Variants in ARMH3 observed in about 807,000 individuals in gnomAD.
The protein encoded by ARMH3 is armadillo like helical domain containing 3, also known as armadillo-like helical domain-containing protein 3.
A neutral mutation model predicts 99.1 loss-of-function variants in ARMH3; 60 were observed. That is an observed-to-expected ratio of 0.61 (90% CI 0.49 to 0.75). The LOEUF is 0.75. Ranked by LOEUF, ARMH3 falls within the 30% of genes least tolerant of loss-of-function variation. ARMH3 has a pLI of 0.00. For synonymous variants in ARMH3, 285 were observed against 292.8 expected (o/e 0.97, Z 0.27); for missense variants, 679 against 843.1 (o/e 0.81, Z 2.41).
intron 24 of ARMH3, among the ~76,000 whole-genome samples, chr10:101,880,048 A>G (rs2067371967): frequency 6.6e-6 from 1 of 152,248 alleles, no homozygotes; most frequent in Admixed American, 6.5e-5. Flanking sequence ...AAAGGCAACA[A>G]AGAAGGCAGG....
Position 102,033,147 on chromosome 10 carries a change from T to C in ARMH3, c.185A>G (p.Lys62Arg). Reference protein sequence around the residue: ...MKVNLEYLEGKLESLDGEELM... With the variant: ...MKVNLEYLEGRLESLDGEELM... Reference sequence around the variant, plus strand: ...CTCCTCACCATCAAGAGATTCCAGCTTGCCTTCTAGGTACTCTAAATTCAC... The same window carrying C: ...CTCCTCACCATCAAGAGATTCCAGCCTGCCTTCTAGGTACTCTAAATTCAC... Residue 62 changes from lysine to arginine, a missense_variant, in exon 4 of 26, where the codon AAG becomes AGG. This residue lies in a region of ARMH3 where 280 missense variants were observed against 354.6 expected (regional missense o/e 0.79). Coordinates refer to ENST00000370033, the MANE Select transcript of ARMH3 (RefSeq NM_024541.3). 6.2e-7 allele frequency: 1 copy of C among 1,614,226 alleles called. No individual in the cohort carries two copies. Among genetic ancestry groups the C allele is most frequent in the Non-Finnish European group, 8.5e-7 (1 of 1,180,044 alleles).
At chr10:101,850,236 G>A (rs1277042173) in intron 24 of ARMH3, among the ~76,000 whole-genome samples, 1 of 144,900 alleles carries the variant, frequency 6.9e-6, no homozygotes, top group Non-Finnish European at 1.5e-5. Context: ...TAGCTGGGAC[G>A]ACAGGGGCAC....
At chr10:102,025,338 A>G (rs2066977549) in intron 5 of ARMH3, 90 bp from the exon 6 acceptor site, 3 of 930,216 alleles carry the variant, frequency 3.2e-6, no homozygotes, top group Admixed American at 2.0e-5. Context: ...GGTAATGTGA[A>G]TAACACACAA....
chr10:101,850,090 C>CTCTTTTT (rs752507279), intron 24 of ARMH3, among the ~76,000 whole-genome samples, 198 bp from the exon 25 acceptor site: 1 of 91,308 alleles, frequency 1.1e-5, no homozygotes, highest in Non-Finnish European at 2.0e-5. Flanking sequence ...CTCTCTCTCT[C>CTCTTTTT]TTTTTTTTTT....
At chr10:102,021,633 C>T (rs1319975574) in intron 8 of ARMH3, among the ~76,000 whole-genome samples, 3 of 151,868 alleles carry the variant, frequency 2.0e-5, no homozygotes, top group Non-Finnish European at 2.9e-5. Context: ...CTGCAAGCTC[C>T]GCCTCCTGGG....
chr10:101,966,102 C>CTTTTTTTTT (rs1047048779), intron 20 of ARMH3, among the ~76,000 whole-genome samples: 2 of 126,292 alleles, frequency 1.6e-5, no homozygotes, highest in Non-Finnish European at 3.4e-5. Flanking sequence ...TTTTTCTTTT[C>CTTTTTTTTT]TTTTTTTTTT....
intron 23 of ARMH3, among the ~76,000 whole-genome samples, chr10:101,926,656 T>A (rs900449418): frequency 2.0e-5 from 3 of 152,194 alleles, no homozygotes; most frequent in African/African-American, 7.2e-5. Context: ...ACTATGCCTG[T>A]TTATACACTT....
At chr10:101,885,045 T>C (rs1257927561) in intron 24 of ARMH3, among the ~76,000 whole-genome samples, 1 of 152,134 alleles carries the variant, frequency 6.6e-6, no homozygotes, top group African/African-American at 2.4e-5. Flanking sequence ...AAATGGCTAA[T>C]ATGTACATGA....
intron 23 of ARMH3, among the ~76,000 whole-genome samples, chr10:101,930,263 AC>A (rs1843667380): frequency 1.3e-5 from 2 of 152,080 alleles, no homozygotes; most frequent in South Asian, 4.1e-4. Flanking sequence ...AAAATCCAAC[AC>A]CCTTTGATGA....
chr10:101,883,587 A>G (rs1433548192), intron 24 of ARMH3, among the ~76,000 whole-genome samples: 1 of 152,122 alleles, frequency 6.6e-6, no homozygotes, highest in Non-Finnish European at 1.5e-5. Flanking sequence ...TCCAAACCCA[A>G]GTATTTAAGT....
intron 20 of ARMH3, among the ~76,000 whole-genome samples, chr10:101,972,793 T>C (rs1845828914): frequency 6.6e-6 from 1 of 152,178 alleles, no homozygotes; most frequent in African/African-American, 2.4e-5. Flanking sequence ...AGAACTCCAG[T>C]ACAAATGTCT....
Position 102,013,971 on chromosome 10 carries a change from G to T in ARMH3, c.723C>A (p.Leu241=). ...KLSIVDDEAT[L]NGMGLVIAQA... ...ACACAAGGATCCAGATACTCACATT[G>T]AGTGTGGCCTCATCATCCACGATAG... The change falls in exon 9 of 26, where the codon CTC becomes CTA. Residue 241 remains leucine, a synonymous_variant. Transcript: ENST00000370033. 6.2e-7 allele frequency: 1 copy of T among 1,605,748 alleles called. No individual in the cohort carries two copies. Among genetic ancestry groups the T allele is most frequent in the Non-Finnish European group, 8.5e-7 (1 of 1,174,568 alleles).
At chr10:101,859,707 T>C (rs1317906844) in intron 24 of ARMH3, among the ~76,000 whole-genome samples, 1 of 152,236 alleles carries the variant, frequency 6.6e-6, no homozygotes, top group Non-Finnish European at 1.5e-5. Context: ...AGAAACATGG[T>C]GATCTTTGAG....
At chr10:101,957,620 A>C (rs1039693542) in intron 21 of ARMH3, 30 bp downstream of exon 21, 3 of 1,582,160 alleles carry the variant, frequency 1.9e-6, no homozygotes, top group African/African-American at 2.7e-5. Flanking sequence ...ATATGGCTTC[A>C]GAAAAAGAAG....
intron 24 of ARMH3, among the ~76,000 whole-genome samples, chr10:101,885,728 G>GTA (rs919448669): frequency 3.9e-5 from 6 of 152,270 alleles, no homozygotes; most frequent in African/African-American, 1.4e-4. Context: ...CAATGTGAAT[G>GTA]TATTTAATGC....
intron 20 of ARMH3, among the ~76,000 whole-genome samples, chr10:101,959,325 C>CT (rs753079480): frequency 2.0e-5 from 3 of 152,186 alleles, no homozygotes; most frequent in Non-Finnish European, 2.9e-5. Flanking sequence ...GGGGGCTGCC[C>CT]ACCCCACCAC....
chr10:102,000,014 C>T (rs891519127), intron 15 of ARMH3, among the ~76,000 whole-genome samples: 1 of 151,930 alleles, frequency 6.6e-6, no homozygotes, highest in African/African-American at 2.4e-5. Flanking sequence ...ACCTAGGAGG[C>T]GGAGGTTGCA....
intron 2 of ARMH3, among the ~76,000 whole-genome samples, chr10:102,036,439 G>C (rs898344081): frequency 1.3e-5 from 2 of 152,192 alleles, no homozygotes; most frequent in African/African-American, 4.8e-5. Flanking sequence ...AGAAAAGGGG[G>C]AAAGGTGGGG....
At chr10:102,047,170 T>C (rs1025486391) in intron 1 of ARMH3, among the ~76,000 whole-genome samples, 8 of 152,164 alleles carry the variant, frequency 5.3e-5, no homozygotes, top group African/African-American at 1.9e-4. Context: ...TAATGTCCAC[T>C]ACAGGATTTA....
Sources: gnomAD v4.1 joint callset for allele counts (sites outside exome capture counted in the v4.1 genomes callset) on GRCh38, gnomAD v4.1.1 for gene constraint, gnomAD v4.1.1 regional missense constraint, MANE v1.5 for transcripts, NCBI Gene and HGNC (gene_info 2026-07-23, HGNC 2026-07-21) for gene names.